CYSLTR2: variants seen among roughly 807,000 people sequenced by gnomAD.
CYSLTR2 encodes G-protein coupled receptor GPCR21.
For missense variants in CYSLTR2, 398 were observed against 411.9 expected (o/e 0.97, Z 0.29); for synonymous variants, 179 against 160.8 (o/e 1.11, Z -0.86).
intron 1 of CYSLTR2, among the ~76,000 whole-genome samples, chr13:48,663,463 C>G (rs1030544214): frequency 5.9e-5 from 9 of 152,084 alleles, no homozygotes; most frequent in Non-Finnish European, 1.0e-4. Context: ...AGTTCTCCTC[C>G]ATGAGCATGG....
At chr13:48,660,850 G>A (rs185813731) in intron 1 of CYSLTR2, among the ~76,000 whole-genome samples, 2 of 152,258 alleles carry the variant, frequency 1.3e-5, no homozygotes, top group East Asian at 3.9e-4. Context: ...GTTCTGGAGG[G>A]CCGTGTTAAT....
In CYSLTR2 at chr13:48,707,227, T is replaced by C. The variant is rs200773422; in HGVS notation, c.410T>C (p.Phe137Ser). 8.6e-5 allele frequency: 139 copies of C among 1,614,194 alleles called. 1 individual carries two copies. The East Asian group carries it at 1.8e-3, about 21-fold the overall frequency. ...YFLTVLSVVR[F>S]LAMVHPFRLL... is the part of the protein sequence containing the mutation. ...CTGACCGTGCTGAGTGTTGTGCGTT[T>C]CCTGGCAATGGTTCACCCCTTTCGG... The change falls in exon 5 of 5, where the codon TTC becomes TCC. Residue 137 changes from phenylalanine to serine, a missense_variant. By Grantham distance (155) the Phe-to-Ser change is radical. Transcript: ENST00000682523.
intron 4 of CYSLTR2, among the ~76,000 whole-genome samples, chr13:48,700,351 A>T (rs1954307261): frequency 6.6e-6 from 1 of 151,972 alleles, no homozygotes. Context: ...CCTGGGATGC[A>T]AGGCTGGTTC....
chr13:48,695,292 T>A (rs1376502764), intron 3 of CYSLTR2, among the ~76,000 whole-genome samples: 1 of 151,238 alleles, frequency 6.6e-6, no homozygotes, highest in Non-Finnish European at 1.5e-5. Flanking sequence ...TCTTTCCTTC[T>A]TCTCTTTCTT....
Position 48,706,977 on chromosome 13 carries a change from T to C in CYSLTR2, c.160T>C (p.Leu54=), listed in dbSNP as rs1266583571. ...TCTGATAATATTTTTCTGGGGAGTC[T>C]TGGGAAATGGGTTGTCCATATATGT... The part of the protein sequence containing the change: ...VYLIIFFWGV[L]GNGLSIYVFL... Residue 54 remains leucine, a synonymous_variant, in exon 5 of 5, where the codon TTG becomes CTG. Coordinates refer to ENST00000682523, the MANE Select transcript of CYSLTR2 (RefSeq NM_001308476.3). 10 of 1,614,090 alleles carry C rather than the reference T, an allele frequency of 6.2e-6. No individual in the cohort carries two copies. Among genetic ancestry groups the C allele is most frequent in the Non-Finnish European group, 8.5e-6 (10 of 1,180,050 alleles).
rs1954543913 is a variant in CYSLTR2 at position 48,707,757 on chromosome 13, G to C, written c.940G>C (p.Asp314His). The C allele has an allele frequency of 6.2e-7, 1 of 1,602,762 alleles. No individual in the cohort carries two copies. Among genetic ancestry groups the C allele is most frequent in the African/African-American group, 1.3e-5 (1 of 74,646 alleles). Residue 314 changes from aspartate to histidine, a missense_variant, in exon 5 of 5, where the codon GAC becomes CAC. Coordinates refer to ENST00000682523, the MANE Select transcript of CYSLTR2 (RefSeq NM_001308476.3). ...LYYFAGENFK[D>H]RLKSALRKGH... is the part of the protein sequence containing the mutation. ...TTACTTTGCTGGGGAGAATTTTAAG[G>C]ACAGACTAAAGTCTGCACTCAGAAA...
chr13:48,661,257 AC>A (rs1953121252), intron 1 of CYSLTR2, among the ~76,000 whole-genome samples: 1 of 151,788 alleles, frequency 6.6e-6, no homozygotes, highest in African/African-American at 2.4e-5. Flanking sequence ...TGGCCGCATT[AC>A]CCCCTTTTAC....
chr13:48,676,101 T>C (rs1235161807), intron 1 of CYSLTR2, among the ~76,000 whole-genome samples: 2 of 152,158 alleles, frequency 1.3e-5, no homozygotes, highest in African/African-American at 2.4e-5. Flanking sequence ...TCAGCCATCT[T>C]GCCAGTCACC....
chr13:48,686,856 G>T (rs1007306026), intron 1 of CYSLTR2, among the ~76,000 whole-genome samples: 3 of 152,124 alleles, frequency 2.0e-5, no homozygotes, highest in African/African-American at 7.2e-5. Context: ...TGCTTGCATA[G>T]TCAAGTCAAC....
chr13:48,707,044 T>C lies in CYSLTR2; in HGVS notation c.227T>C (p.Phe76Ser), dbSNP rs1954510638. Residue 76 changes from phenylalanine to serine, a missense_variant, in exon 5 of 5, where the codon TTC (phenylalanine) becomes TCC (serine). By Grantham distance (155) the Phe-to-Ser change is radical. Coordinates refer to ENST00000682523, the MANE Select transcript of CYSLTR2 (RefSeq NM_001308476.3). ...PYKKSTSVNV[F>S]MLNLAISDLL... Reference sequence around the variant, plus strand: ...AAGAAGTCCACATCTGTGAACGTTTTCATGCTAAATCTGGCCATTTCAGAT... The same window carrying C: ...AAGAAGTCCACATCTGTGAACGTTTCCATGCTAAATCTGGCCATTTCAGAT... 6.2e-7 allele frequency: 1 copy of C among 1,614,208 alleles called. No individual in the cohort carries two copies. The highest frequency in any genetic ancestry group is 8.5e-7 in the Non-Finnish European group (1 of 1,180,038).
chr13:48,688,074 C>T (rs1424237324), intron 1 of CYSLTR2, among the ~76,000 whole-genome samples: 2 of 152,088 alleles, frequency 1.3e-5, no homozygotes, highest in African/African-American at 4.8e-5. Flanking sequence ...GTTCTCACTC[C>T]TCAAGGATCA....
intron 1 of CYSLTR2, among the ~76,000 whole-genome samples, chr13:48,666,929 A>G (rs1429826756): frequency 6.6e-6 from 1 of 152,008 alleles, no homozygotes; most frequent in East Asian, 1.9e-4. Context: ...CTGTTACTAG[A>G]ATTATTATTT....
At chr13:48,656,503 T>G (rs570761637) in intron 1 of CYSLTR2, among the ~76,000 whole-genome samples, 2 of 152,184 alleles carry the variant, frequency 1.3e-5, no homozygotes, top group African/African-American at 4.8e-5. Context: ...AAAGGCAGAG[T>G]TGAAACTTAA....
chr13:48,696,862 G>C (rs908971856), intron 4 of CYSLTR2, among the ~76,000 whole-genome samples: 2 of 151,352 alleles, frequency 1.3e-5, no homozygotes, highest in African/African-American at 4.9e-5. Context: ...GGCTCGGAGG[G>C]TCCCACGCCC....
intron 1 of CYSLTR2, among the ~76,000 whole-genome samples, chr13:48,685,266 ACG>A (rs1953867444): frequency 1.6e-5 from 1 of 62,682 alleles, no homozygotes; most frequent in Non-Finnish European, 4.9e-5. Flanking sequence ...TTAAACACTC[ACG>A]AGAACTCACT....
At chr13:48,685,523 G>C (rs1431654393) in intron 1 of CYSLTR2, among the ~76,000 whole-genome samples, 1 of 152,112 alleles carries the variant, frequency 6.6e-6, no homozygotes, top group Non-Finnish European at 1.5e-5. Flanking sequence ...AAGCTACCCT[G>C]TTTGTGATAC....
At chr13:48,704,217 A>G (rs1954421772) in intron 4 of CYSLTR2, among the ~76,000 whole-genome samples, 1 of 152,118 alleles carries the variant, frequency 6.6e-6, no homozygotes, top group South Asian at 2.1e-4. Flanking sequence ...GACTTTGTCT[A>G]TTCTGCTACT....
intron 1 of CYSLTR2, among the ~76,000 whole-genome samples, chr13:48,680,807 T>C (rs1953734491): frequency 1.1e-5 from 1 of 94,474 alleles, no homozygotes; most frequent in Non-Finnish European, 2.7e-5. Context: ...TTTCTTTTTT[T>C]TTTTTTTTTT....
At chr13:48,691,587 G>C (rs1016991564) in intron 2 of CYSLTR2, among the ~76,000 whole-genome samples, 3 of 152,054 alleles carry the variant, frequency 2.0e-5, no homozygotes, top group Non-Finnish European at 4.4e-5. Context: ...GTGACTACTA[G>C]AGCTAATGAA....
Sources: allele counts gnomAD v4.1 joint callset (sites outside exome capture counted in the v4.1 genomes callset), GRCh38; gene constraint gnomAD v4.1.1; transcripts MANE v1.5; gene names NCBI Gene and HGNC (gene_info 2026-07-23, HGNC 2026-07-21).